The following PLXNA4 variants were observed in gnomAD, a reference collection of about 807,000 sequenced individuals.
PLXNA4 encodes plexin A4, also known as plexin-A4.
In PLXNA4, 44 loss-of-function variants were observed where a neutral mutation model predicts 191.8. The observed-to-expected ratio is 0.23, with a 90% CI of 0.18 to 0.29. The LOEUF (loss-of-function observed/expected upper bound fraction) is 0.29. Ranked by LOEUF, PLXNA4 falls within the 10% of genes least tolerant of loss-of-function variation. The pLI is 1.00. For synonymous variants in PLXNA4, 1,082 were observed against 1,009.5 expected (o/e 1.07, Z -1.36); for missense variants, 1,800 against 2,488.8 (o/e 0.72, Z 5.89).
intron 3 of PLXNA4, among the ~76,000 whole-genome samples, chr7:132,334,947 G>T (rs552074497): frequency 6.6e-6 from 1 of 152,184 alleles, no homozygotes; most frequent in Non-Finnish European, 1.5e-5. Flanking sequence ...TACCCAGAAT[G>T]TCAGCATATC....
At chr7:132,172,579 G>C (rs1177343267) in intron 21 of PLXNA4, among the ~76,000 whole-genome samples, 1 of 115,870 alleles carries the variant, frequency 8.6e-6, no homozygotes, top group African/African-American at 6.7e-5. Context: ...GGCAAGAAGG[G>C]GTTGGAAAAA....
At chr7:132,258,836 T>C (rs1799522230) in intron 4 of PLXNA4, among the ~76,000 whole-genome samples, 1 of 152,208 alleles carries the variant, frequency 6.6e-6, no homozygotes, top group African/African-American at 2.4e-5. Flanking sequence ...TAATCCAAAC[T>C]TTTATTGGAT....
chr7:132,596,742 A>G (rs1042377851), intron 2 of PLXNA4, among the ~76,000 whole-genome samples: 1 of 151,962 alleles, frequency 6.6e-6, no homozygotes, highest in Non-Finnish European at 1.5e-5. Context: ...AGGGAGAAAT[A>G]CCATTAAGAA....
intron 1 of PLXNA4, among the ~76,000 whole-genome samples, chr7:132,542,240 A>G (rs1314064776): frequency 6.6e-6 from 1 of 152,240 alleles, no homozygotes; most frequent in Non-Finnish European, 1.5e-5. Flanking sequence ...TAGGATTAAT[A>G]TGGTTGACAT....
chr7:132,394,528 A>G (rs1036053380), intron 3 of PLXNA4, among the ~76,000 whole-genome samples: 2 of 152,198 alleles, frequency 1.3e-5, no homozygotes, highest in Non-Finnish European at 2.9e-5. Flanking sequence ...TCAGAAGTGC[A>G]AATACTGCTT....
chr7:132,353,430 T>C (rs1036110009), intron 3 of PLXNA4, among the ~76,000 whole-genome samples: 6 of 147,734 alleles, frequency 4.1e-5, no homozygotes, highest in African/African-American at 1.3e-4. Context: ...CAGGTTTGTG[T>C]ACTCGGTTCT....
At position 132,593,539 on chromosome 7, in the gene PLXNA4, G is replaced by A. The variant is rs553544088; in HGVS notation, c.-87+52389C>T. On this transcript the variant is annotated intron_variant, in intron 2 of 4. Coordinates refer to the PLXNA4 transcript ENST00000378539. Reference sequence around the variant, plus strand: ...AAGTGAGAAGGCAGGGAGTCCAGGAGGATGGCTCAGGAGAAGGCCCCATGA... The same window carrying A: ...AAGTGAGAAGGCAGGGAGTCCAGGAAGATGGCTCAGGAGAAGGCCCCATGA... Among the ~76,000 whole-genome samples the A allele has an allele frequency of 3.3e-5, 5 of 152,322 alleles. No individual in the cohort carries two copies. In the South Asian group the frequency reaches 1.0e-3, roughly 32 times the overall value.
intron 1 of PLXNA4, among the ~76,000 whole-genome samples, chr7:132,527,415 C>G (rs75932786): frequency 0.037 from 5,671 of 151,992 alleles, 278 homozygotes; most frequent in African/African-American, 0.11. Flanking sequence ...ATTACCATCC[C>G]CATTGAGCAG....
At chr7:132,623,197 T>C (rs1360458311) in intron 2 of PLXNA4, among the ~76,000 whole-genome samples, 1 of 151,916 alleles carries the variant, frequency 6.6e-6, no homozygotes, top group African/African-American at 2.4e-5. Context: ...AATACAAAAA[T>C]TAGCCGGGCG....
intron 3 of PLXNA4, among the ~76,000 whole-genome samples, chr7:132,486,474 CT>C (rs1424962661): frequency 2.0e-5 from 3 of 152,238 alleles, no homozygotes; most frequent in Non-Finnish European, 2.9e-5. Context: ...GACTGTTCCC[CT>C]GGGCCAGCTG....
chr7:132,198,762 C>T lies in PLXNA4; in HGVS notation c.2587-126G>A, dbSNP rs534921999. On this transcript the variant is annotated intron_variant, in intron 12 of 31. Coordinates refer to ENST00000321063, the MANE Select transcript of PLXNA4 (RefSeq NM_020911.2). ...AGAGTCCCTGAGTGGCTTGAAGTCACCAAGGGCACCCAAAGCCTGCGGTAA... is the reference window on the plus strand; with the variant it reads ...AGAGTCCCTGAGTGGCTTGAAGTCATCAAGGGCACCCAAAGCCTGCGGTAA... 1,300 of 1,417,476 alleles carry T rather than the reference C, an allele frequency of 9.2e-4. 3 individuals are homozygous for T. The highest frequency in any genetic ancestry group is 1.1e-3 in the Non-Finnish European group (1,201 of 1,066,742). The allele number at this position is 1,417,476 out of a possible 1,614,324, so 87.8% of individuals were successfully genotyped here. A position where few individuals can be genotyped will look rare whatever the true frequency, so the allele number is the denominator to read the frequency against.
At chr7:132,158,006 C>A (rs1795844542) in intron 25 of PLXNA4, among the ~76,000 whole-genome samples, 1 of 152,186 alleles carries the variant, frequency 6.6e-6, no homozygotes, top group African/African-American at 2.4e-5. Context: ...CCATACCCCT[C>A]CCCACCACCA....
intron 2 of PLXNA4, among the ~76,000 whole-genome samples, chr7:132,645,159 G>T (rs1400132870): frequency 6.6e-6 from 1 of 152,200 alleles, no homozygotes; most frequent in Non-Finnish European, 1.5e-5. Context: ...GTTTCATGCA[G>T]CCGCTTCCTT....
intron 3 of PLXNA4, among the ~76,000 whole-genome samples, chr7:132,340,440 C>T (rs374461094): frequency 6.6e-6 from 1 of 152,214 alleles, no homozygotes; most frequent in Non-Finnish European, 1.5e-5. Context: ...ACCTCAGATA[C>T]TTCTAAGCAT....
intron 20 of PLXNA4, among the ~76,000 whole-genome samples, chr7:132,178,570 G>A (rs1188359397): frequency 6.6e-6 from 1 of 152,228 alleles, no homozygotes; most frequent in African/African-American, 2.4e-5. Flanking sequence ...GGGCCTGCTT[G>A]GGTATGGGTG....
intron 4 of PLXNA4, among the ~76,000 whole-genome samples, chr7:132,277,258 T>C (rs879400129): frequency 6.6e-6 from 1 of 152,170 alleles, no homozygotes; most frequent in Admixed American, 6.5e-5. Flanking sequence ...CAGGCTCCAA[T>C]TGGGAATTTT....
intron 8 of PLXNA4, among the ~76,000 whole-genome samples, chr7:132,225,641 C>A (rs1798296245): frequency 6.6e-6 from 1 of 152,138 alleles, no homozygotes. Flanking sequence ...TTTCTGCCTC[C>A]CTCTGGCCCT....
At chr7:132,493,706 G>T (rs1797892335) in intron 2 of PLXNA4, among the ~76,000 whole-genome samples, 1 of 148,636 alleles carries the variant, frequency 6.7e-6, no homozygotes, top group Non-Finnish European at 1.5e-5. Context: ...TGGATAGGTG[G>T]ATGGATGGAT....
intron 4 of PLXNA4, among the ~76,000 whole-genome samples, chr7:132,292,408 G>A (rs1193191113): frequency 6.6e-6 from 1 of 152,202 alleles, no homozygotes; most frequent in African/African-American, 2.4e-5. Flanking sequence ...TTCCTCAGGG[G>A]CAGAGGTAAC....
Sources: allele counts gnomAD v4.1 joint callset (sites outside exome capture counted in the v4.1 genomes callset), GRCh38; gene constraint gnomAD v4.1.1; transcripts MANE v1.5; gene names NCBI Gene and HGNC (gene_info 2026-07-23, HGNC 2026-07-21).